Variants in TPRG1 observed in about 807,000 individuals in gnomAD.
TPRG1 encodes tumor protein p63-regulated gene 1 protein.
Under a neutral mutation model 29.3 loss-of-function variants are expected in TPRG1, and 29 were observed. That is an observed-to-expected ratio of 0.99 (90% confidence interval 0.74 to 1.35). The LOEUF is 1.35. Ranked by LOEUF, TPRG1 falls within the 40% of genes most tolerant of loss-of-function variation. TPRG1 has a pLI of 0.00. For synonymous variants in TPRG1, 130 were observed against 116.8 expected (o/e 1.11, Z -0.73); for missense variants, 327 against 335.0 (o/e 0.98, Z 0.19).
intron 4 of TPRG1, among the ~76,000 whole-genome samples, chr3:189,243,125 G>C (rs1252908911): frequency 1.3e-5 from 2 of 152,092 alleles, no homozygotes; most frequent in Admixed American, 6.6e-5. Context: ...AGTTCTGCAG[G>C]TTATACAGGA....
chr3:189,247,500 G>GTT (rs75299810), intron 4 of TPRG1, among the ~76,000 whole-genome samples: 7 of 151,444 alleles, frequency 4.6e-5, no homozygotes, highest in East Asian at 1.9e-4. Context: ...ATATTTTCTT[G>GTT]TTTTTTTGGT....
At position 189,213,450 on chromosome 3, in the gene TPRG1, C is replaced by T. The variant is rs79514953; in HGVS notation, c.211-1842C>T. ...GATAGGGGAGAGTACAATTCTGTAT[C>T]TGGGTATATTTTCCTTCTGTGTTCT... On this transcript the variant is annotated intron_variant, in intron 2 of 5. Transcript: ENST00000345063. Among the ~76,000 whole-genome samples, 32 of 152,236 alleles carry T rather than the reference C, an allele frequency of 2.1e-4. No individual in the cohort carries two copies. The East Asian group carries it at 4.8e-3, about 23-fold the overall frequency.
At chr3:189,116,762 G>A (rs1445902509) in intron 1 of TPRG1, among the ~76,000 whole-genome samples, 1 of 152,192 alleles carries the variant, frequency 6.6e-6, no homozygotes, top group Non-Finnish European at 1.5e-5. Flanking sequence ...AAAGTGGAAT[G>A]GTGGTGGATA....
At chr3:189,172,513 G>C (rs1728940944) in intron 1 of TPRG1, among the ~76,000 whole-genome samples, 1 of 152,136 alleles carries the variant, frequency 6.6e-6, no homozygotes, top group African/African-American at 2.4e-5. Flanking sequence ...GATTAGATTT[G>C]ATTCCTTCTT....
intron 4 of TPRG1, among the ~76,000 whole-genome samples, chr3:189,273,568 GTTTAA>G (rs1374379487): frequency 6.6e-6 from 1 of 152,164 alleles, no homozygotes; most frequent in Non-Finnish European, 1.5e-5. Context: ...CATTGGACAA[GTTTAA>G]TTTATTAGCC....
At chr3:189,057,388 T>A (rs1715768464) in intron 4 of TPRG1, among the ~76,000 whole-genome samples, 1 of 152,038 alleles carries the variant, frequency 6.6e-6, no homozygotes, top group Non-Finnish European at 1.5e-5. Context: ...TTTGTAAACC[T>A]CCTGCAATTT....
At chr3:189,197,357 C>T (rs1049844005) in intron 1 of TPRG1, among the ~76,000 whole-genome samples, 9 of 152,232 alleles carry the variant, frequency 5.9e-5, no homozygotes, top group African/African-American at 1.7e-4. Context: ...TTTAGCCTTG[C>T]GTGTTGCTCT....
intron 4 of TPRG1, among the ~76,000 whole-genome samples, chr3:189,269,532 A>G (rs1263126238): frequency 6.6e-6 from 1 of 152,156 alleles, no homozygotes. Flanking sequence ...GTATTTCCTG[A>G]GAACTCATCT....
intron 4 of TPRG1, among the ~76,000 whole-genome samples, chr3:189,292,292 CTT>C (rs11459415): frequency 2.4e-4 from 27 of 114,868 alleles, no homozygotes; most frequent in Non-Finnish European, 3.9e-4. Flanking sequence ...GAAGTTTTTG[CTT>C]TTTTTTTTTT....
intron 4 of TPRG1, among the ~76,000 whole-genome samples, chr3:189,269,615 C>A (rs1714736789): frequency 6.6e-6 from 1 of 151,892 alleles, no homozygotes; most frequent in African/African-American, 2.4e-5. Context: ...GAAAAAAAAA[C>A]CCTGTTAATT....
At chr3:189,287,275 TC>T (rs1193196890) in intron 4 of TPRG1, among the ~76,000 whole-genome samples, 1 of 152,114 alleles carries the variant, frequency 6.6e-6, no homozygotes, top group African/African-American at 2.4e-5. Flanking sequence ...TGTCTCATTG[TC>T]CAGACAATGT....
At chr3:189,189,654 T>G (rs1731420106) in intron 1 of TPRG1, among the ~76,000 whole-genome samples, 1 of 152,204 alleles carries the variant, frequency 6.6e-6, no homozygotes, top group African/African-American at 2.4e-5. Context: ...AAATCTACAG[T>G]TAGATAACAT....
At chr3:189,316,714 C>G (rs1326090907) in intron 5 of TPRG1, among the ~76,000 whole-genome samples, 1 of 152,162 alleles carries the variant, frequency 6.6e-6, no homozygotes, top group African/African-American at 2.4e-5. Context: ...CACACAGCCC[C>G]TGTGTAACTG....
intron 5 of TPRG1, among the ~76,000 whole-genome samples, chr3:189,156,433 C>T (rs776197993): frequency 2.0e-5 from 3 of 151,986 alleles, no homozygotes; most frequent in South Asian, 2.1e-4. Context: ...GAAACAAACA[C>T]GTGGGTTTTG....
intron 1 of TPRG1, among the ~76,000 whole-genome samples, chr3:189,199,915 A>C (rs181766408): frequency 7.9e-5 from 12 of 152,272 alleles, no homozygotes; most frequent in Admixed American, 7.8e-4. Flanking sequence ...CAAACAAAAA[A>C]ACAATGAATA....
rs988400653 is a variant in TPRG1 at position 189,323,431 on chromosome 3, G to C, written c.*2611G>C. ...TGCTTATTTCATAAAGATCTTGTGA[G>C]GATTCAATGAAATGAGGTTAAATTC... is the stretch of plus-strand genomic sequence containing the variant. On this transcript the variant is annotated 3_prime_UTR_variant, in exon 6 of 6. Coordinates refer to ENST00000345063, the MANE Select transcript of TPRG1 (RefSeq NM_198485.4). The C allele has an allele frequency of 6.6e-6, 1 of 152,054 alleles. No individual in the cohort carries two copies. Among genetic ancestry groups the C allele is most frequent in the Non-Finnish European group, 1.5e-5 (1 of 68,000 alleles). 9.4% of individuals were successfully genotyped at this position (152,054 alleles called of 1,614,324 possible).
intron 1 of TPRG1, among the ~76,000 whole-genome samples, chr3:189,204,947 T>TCTCTCACACACA (rs766857963): frequency 2.7e-5 from 4 of 147,068 alleles, no homozygotes; most frequent in East Asian, 4.1e-4. Flanking sequence ...TCTCTCTCTC[T>TCTCTCACACACA]CACACACACA....
At chr3:189,203,356 A>C (rs1031881025) in intron 1 of TPRG1, among the ~76,000 whole-genome samples, 5 of 152,322 alleles carry the variant, frequency 3.3e-5, no homozygotes, top group South Asian at 4.1e-4. Context: ...AATGCTAAAA[A>C]AATCAGCACT....
intron 1 of TPRG1, among the ~76,000 whole-genome samples, chr3:189,189,587 T>C (rs1424353909): frequency 6.6e-6 from 1 of 152,184 alleles, no homozygotes; most frequent in Non-Finnish European, 1.5e-5. Flanking sequence ...CATGTACAAG[T>C]ACACCAGAAT....
Sources: allele counts gnomAD v4.1 joint callset (sites outside exome capture counted in the v4.1 genomes callset), GRCh38; gene constraint gnomAD v4.1.1; transcripts MANE v1.5; gene names NCBI Gene and HGNC (gene_info 2026-07-23, HGNC 2026-07-21).